The following NUDCD3 variants were observed in gnomAD, a reference collection of about 807,000 sequenced individuals.
NUDCD3 encodes nudC domain-containing protein 3.
A neutral mutation model predicts 39.7 loss-of-function variants in NUDCD3; 13 were observed. That is an observed-to-expected ratio of 0.33 (90% CI 0.21 to 0.52). The LOEUF (loss-of-function observed/expected upper bound fraction) is 0.52, where lower values mean the gene tolerates loss of function less well. Ranked by LOEUF, NUDCD3 falls within the 20% of genes least tolerant of loss-of-function variation. The pLI, the probability that NUDCD3 is intolerant of heterozygous loss-of-function variation, is 0.96. For synonymous variants in NUDCD3, 175 were observed against 172.4 expected (o/e 1.02, Z -0.12); for missense variants, 453 against 458.1 (o/e 0.99, Z 0.10).
intron 4 of NUDCD3, among the ~76,000 whole-genome samples, chr7:44,397,426 C>T (rs1472507629): frequency 6.6e-6 from 1 of 152,112 alleles, no homozygotes; most frequent in African/African-American, 2.4e-5. Context: ...TCTGCTGCAC[C>T]CCTACCAGTA....
chr7:44,431,112 C>A (rs1799355298), intron 2 of NUDCD3, among the ~76,000 whole-genome samples: 1 of 152,198 alleles, frequency 6.6e-6, no homozygotes, highest in African/African-American at 2.4e-5. Context: ...TTCCAGCCAA[C>A]AGTATGTAAA....
chr7:44,463,935 C>A (rs1032920393), intron 2 of NUDCD3, among the ~76,000 whole-genome samples: 1 of 152,102 alleles, frequency 6.6e-6, no homozygotes, highest in African/African-American at 2.4e-5. Flanking sequence ...ATTTCCTGGC[C>A]GGGCACAGTG....
chr7:44,458,027 T>A (rs997454763), intron 2 of NUDCD3, among the ~76,000 whole-genome samples: 1 of 152,232 alleles, frequency 6.6e-6, no homozygotes, highest in African/African-American at 2.4e-5. Flanking sequence ...AAAGCTTGTA[T>A]ACAAATGTTC....
intron 2 of NUDCD3, among the ~76,000 whole-genome samples, chr7:44,432,996 G>A (rs1285137888): frequency 2.6e-5 from 4 of 152,234 alleles, no homozygotes; most frequent in African/African-American, 4.8e-5. Flanking sequence ...TTTAGAAGGT[G>A]ATTAGGTCAT....
At position 44,490,620 on chromosome 7, in the gene NUDCD3, A is replaced by G; in HGVS notation, c.-20T>C. 6.3e-7 allele frequency: 1 copy of G among 1,587,652 alleles called. No individual in the cohort carries two copies. The highest frequency in any genetic ancestry group is 8.6e-7 in the Non-Finnish European group (1 of 1,167,626). ...CTCCATGTCGCCTCCCGCCCTAGGT[A>G]CGCTTCACACACACAGCGCCGCCTC... On this transcript the variant is annotated 5_prime_UTR_variant, in exon 1 of 6. Coordinates refer to ENST00000355451, the MANE Select transcript of NUDCD3 (RefSeq NM_015332.4).
intron 4 of NUDCD3, chr7:44,402,949 C>A: frequency 4.2e-6 from 1 of 240,608 alleles, no homozygotes; most frequent in South Asian, 4.5e-5. Context: ...ATGGCATCTG[C>A]AAAGTCAAGT....
intron 2 of NUDCD3, among the ~76,000 whole-genome samples, chr7:44,438,456 T>C (rs1180208080): frequency 6.6e-6 from 1 of 152,186 alleles, no homozygotes; most frequent in African/African-American, 2.4e-5. Flanking sequence ...ACTTGGAAGC[T>C]TTCTAATTCA....
intron 3 of NUDCD3, among the ~76,000 whole-genome samples, chr7:44,420,107 G>A (rs1454736348): frequency 6.6e-6 from 1 of 151,960 alleles, no homozygotes; most frequent in Non-Finnish European, 1.5e-5. Flanking sequence ...CTTGACAAAA[G>A]GTTACAGGAA....
At chr7:44,402,791 C>A in intron 4 of NUDCD3, 3 of 434,810 alleles carry the variant, frequency 6.9e-6, no homozygotes, top group South Asian at 4.8e-5. Flanking sequence ...GAGATGGCAA[C>A]CCCAGGATCA....
At chr7:44,471,906 C>T (rs1025161974) in intron 2 of NUDCD3, 6 of 152,324 alleles carry the variant, frequency 3.9e-5, no homozygotes, top group African/African-American at 1.4e-4. Flanking sequence ...TCCATCCACC[C>T]TCACTGCCTT....
intron 2 of NUDCD3, among the ~76,000 whole-genome samples, chr7:44,477,936 C>T (rs1800410374): frequency 6.7e-6 from 1 of 150,126 alleles, no homozygotes; most frequent in Admixed American, 6.7e-5. Flanking sequence ...CGGGTTCATG[C>T]AATTCTGCTG....
rs548675690 is a variant in NUDCD3, at chr7:44,432,002, T to C, written c.510-4299A>G. The stretch of plus-strand genomic sequence containing the variant: ...CCATTTGTTTTTAAAAACCACAGGA[T>C]TAGGCTAGGCTCACACTTGCAATCA... On this transcript the variant is annotated intron_variant, in intron 2 of 5. Coordinates refer to ENST00000355451, the MANE Select transcript of NUDCD3 (RefSeq NM_015332.4). 3.3e-5 allele frequency among the ~76,000 whole-genome samples: 5 copies of C among 152,216 alleles called. No individual in the cohort carries two copies. The South Asian group carries it at 6.2e-4, about 19-fold the overall frequency.
intron 3 of NUDCD3, among the ~76,000 whole-genome samples, chr7:44,406,876 A>G (rs2116877223): frequency 6.6e-6 from 1 of 152,340 alleles, no homozygotes; most frequent in African/African-American, 2.4e-5. Flanking sequence ...GGTAGGAGAC[A>G]TCCAGAAGCC....
rs866300990 is a variant in NUDCD3 at position 44,407,296 on chromosome 7, T to G, written c.643-2713A>C. ...AAAAAAAAAAAAAGACCGGGCATGG[T>G]GGCTCACACCTGTAATCTCAGCACT... On this transcript the variant is annotated intron_variant, in intron 3 of 5. Coordinates refer to ENST00000355451, the MANE Select transcript of NUDCD3 (RefSeq NM_015332.4). Among the ~76,000 whole-genome samples the G allele has an allele frequency of 2.5e-4, 37 of 148,364 alleles. 1 individual carries two copies. The highest frequency in any genetic ancestry group is 8.9e-4 in the African/African-American group (36 of 40,388).
At chr7:44,488,180 C>T (rs867650491) in intron 1 of NUDCD3, among the ~76,000 whole-genome samples, 1 of 151,298 alleles carries the variant, frequency 6.6e-6, no homozygotes, top group Non-Finnish European at 1.5e-5. Flanking sequence ...ACTAAAAATA[C>T]AAAAATCAGC....
intron 5 of NUDCD3, among the ~76,000 whole-genome samples, chr7:44,386,638 G>A (rs1035024353): frequency 6.6e-6 from 1 of 152,134 alleles, no homozygotes; most frequent in Admixed American, 6.5e-5. Context: ...GACAATCCAG[G>A]GTTGACCCAG....
At position 44,473,856 on chromosome 7, in the gene NUDCD3, A is replaced by AG. The variant is rs531036772; in HGVS notation, c.509+11111dup. On this transcript the variant is annotated intron_variant, in intron 2 of 5. Coordinates refer to ENST00000355451, the MANE Select transcript of NUDCD3 (RefSeq NM_015332.4). The stretch of plus-strand genomic sequence containing the variant: ...GATTTACTTTACCAAATAAATTTTG[A>AG]GGGAAAAAAAAGAGAGAAAAATGGA... Among the ~76,000 whole-genome samples the AG allele has an allele frequency of 1.1e-3, 162 of 152,278 alleles. 1 individual carries two copies. Among genetic ancestry groups the AG allele is most frequent in the African/African-American group, 3.4e-3 (142 of 41,558 alleles).
intron 2 of NUDCD3, among the ~76,000 whole-genome samples, chr7:44,458,936 C>CTGTGTGTGTGTGTGTGTGTGTGTGTG (rs55947411): frequency 8.6e-6 from 1 of 116,062 alleles, no homozygotes. Context: ...ACGGGGAGTG[C>CTGTGTGTGTGTGTGTGTGTGTGTGTG]TGTGTGTGTG....
chr7:44,449,718 T>C (rs920818064), intron 2 of NUDCD3, among the ~76,000 whole-genome samples: 1 of 151,960 alleles, frequency 6.6e-6, no homozygotes, highest in African/African-American at 2.4e-5. Flanking sequence ...ATACTAAAAA[T>C]AACTTAAAAT....
Sources: allele counts gnomAD v4.1 joint callset (sites outside exome capture counted in the v4.1 genomes callset), GRCh38; gene constraint gnomAD v4.1.1; transcripts MANE v1.5; gene names NCBI Gene and HGNC (gene_info 2026-07-23, HGNC 2026-07-21).